Variants in FER observed in about 807,000 individuals in gnomAD.
FER encodes the protein FER tyrosine kinase, also known as tyrosine-protein kinase Fer.
Under a neutral mutation model 111.0 loss-of-function variants are expected in FER, and 63 were observed. The ratio of observed to expected loss-of-function variants is 0.57; its 90% CI spans 0.46 to 0.70. FER has a LOEUF of 0.70. Among genes scored for constraint, FER ranks in the 30% least tolerant of loss-of-function variants. The pLI is 0.00. For synonymous variants in FER, 327 were observed against 313.9 expected (o/e 1.04, Z -0.44); for missense variants, 914 against 954.0 (o/e 0.96, Z 0.55).
At chr5:108,910,290 C>T (rs1751360596) in intron 10 of FER, among the ~76,000 whole-genome samples, 1 of 152,046 alleles carries the variant, frequency 6.6e-6, no homozygotes, top group South Asian at 2.1e-4. Context: ...TCCTTCGAAC[C>T]TGCTCTCTAC....
intron 10 of FER, among the ~76,000 whole-genome samples, chr5:108,941,486 G>T (rs571980252): frequency 6.6e-6 from 1 of 152,250 alleles, no homozygotes; most frequent in African/African-American, 2.4e-5. Context: ...TTACAAAAAT[G>T]CTTAGGGATG....
intron 3 of FER, among the ~76,000 whole-genome samples, chr5:108,808,127 A>G (rs937300473): frequency 2.0e-5 from 3 of 151,900 alleles, no homozygotes; most frequent in South Asian, 4.1e-4. Flanking sequence ...CTAGATTTCT[A>G]TTAGATCCAG....
chr5:108,939,476 A>G lies in FER; in HGVS notation c.1237-6654A>G, dbSNP rs566833969. Among the ~76,000 whole-genome samples the G allele has an allele frequency of 2.0e-5, 3 of 152,152 alleles. No individual in the cohort carries two copies. In the South Asian group the frequency reaches 6.2e-4, roughly 32 times the overall value. Reference sequence around the variant, plus strand: ...TGTAGCTGGATATACACAGAAGTTCAAACCATGTCGTCAAGGATTTGTTTT... The same window carrying G: ...TGTAGCTGGATATACACAGAAGTTCGAACCATGTCGTCAAGGATTTGTTTT... On this transcript the variant is annotated intron_variant, in intron 10 of 19. Coordinates refer to ENST00000281092, the MANE Select transcript of FER (RefSeq NM_005246.4).
intron 3 of FER, chr5:108,820,263 A>G (rs916762761): frequency 1.5e-5 from 15 of 985,352 alleles, no homozygotes; most frequent in Non-Finnish European, 1.8e-5. Flanking sequence ...ATAAGGAAGT[A>G]GCTATTAATA....
Position 108,811,316 on chromosome 5 carries a change from A to G in FER, c.207+12927A>G, listed in dbSNP as rs146647178. Among the ~76,000 whole-genome samples the G allele has an allele frequency of 2.7e-3, 410 of 152,308 alleles. 1 individual carries two copies. The highest frequency in any genetic ancestry group is 9.4e-3 in the African/African-American group (391 of 41,576). On this transcript the variant is annotated intron_variant, in intron 3 of 19. Coordinates refer to ENST00000281092, the MANE Select transcript of FER (RefSeq NM_005246.4). ...GGAGTGGGCCCCAAAATACCATGTT[A>G]TATTACTTAATTTTCAAATGTATAT...
At chr5:109,176,693 A>G (rs1757729200) in intron 17 of FER, among the ~76,000 whole-genome samples, 1 of 152,230 alleles carries the variant, frequency 6.6e-6, no homozygotes, top group African/African-American at 2.4e-5. Context: ...TGATTTGATC[A>G]TTACATATTG....
chr5:109,048,692 A>G (rs1258124609), intron 16 of FER, among the ~76,000 whole-genome samples: 2 of 152,202 alleles, frequency 1.3e-5, no homozygotes, highest in African/African-American at 2.4e-5. Context: ...AAAATTGAAA[A>G]TGAAACCTTC....
At chr5:108,820,659 A>C in intron 3 of FER, 2 of 401,084 alleles carry the variant, frequency 5.0e-6, no homozygotes, top group Non-Finnish European at 6.8e-6. Context: ...AACTGAGCTA[A>C]TGCAGCTCAG....
intron 9 of FER, among the ~76,000 whole-genome samples, chr5:108,886,422 ATATT>A (rs1747174341): frequency 6.7e-6 from 1 of 148,592 alleles, no homozygotes. Context: ...ATAAACATAT[ATATT>A]ATATATAACA....
At chr5:108,959,126 A>G (rs1758816933) in intron 12 of FER, 99 bp from the exon 13 acceptor site, 1 of 1,230,150 alleles carries the variant, frequency 8.1e-7, no homozygotes, top group South Asian at 1.6e-5. Flanking sequence ...TTGTTGTGCA[A>G]TTATAGTTTT....
At chr5:108,919,229 A>G (rs62360833) in intron 10 of FER, among the ~76,000 whole-genome samples, 1 of 151,484 alleles carries the variant, frequency 6.6e-6, no homozygotes, top group African/African-American at 2.4e-5. Context: ...TTTTTTTTAA[A>G]TCAGAGTTGG....
chr5:108,819,755 T>G (rs2150100386), intron 3 of FER: 1 of 981,508 alleles, frequency 1.0e-6, no homozygotes. Context: ...AAAAAAGCAT[T>G]TTTTTAAAAT....
chr5:108,920,604 G>T (rs542295236), intron 10 of FER, among the ~76,000 whole-genome samples: 2 of 152,148 alleles, frequency 1.3e-5, no homozygotes, highest in East Asian at 1.9e-4. Context: ...TTAGCAAGTT[G>T]TCTTGATATT....
chr5:108,928,869 G>A (rs1266289761), intron 10 of FER, among the ~76,000 whole-genome samples: 1 of 152,068 alleles, frequency 6.6e-6, no homozygotes, highest in Non-Finnish European at 1.5e-5. Flanking sequence ...AAATCAAAAG[G>A]ATAATGATAG....
chr5:109,004,120 T>C (rs1357841811), intron 13 of FER, among the ~76,000 whole-genome samples: 2 of 152,136 alleles, frequency 1.3e-5, no homozygotes, highest in Non-Finnish European at 2.9e-5. Context: ...CAAATGTAAA[T>C]CCCTACAACT....
chr5:108,860,790 A>G (rs948261075), intron 5 of FER, among the ~76,000 whole-genome samples: 1 of 152,194 alleles, frequency 6.6e-6, no homozygotes, highest in Non-Finnish European at 1.5e-5. Context: ...TTTATAAAGA[A>G]AAGAGGTTTA....
chr5:109,022,448 G>A (rs902545391), intron 13 of FER, among the ~76,000 whole-genome samples: 2 of 152,118 alleles, frequency 1.3e-5, no homozygotes, highest in Non-Finnish European at 2.9e-5. Context: ...ATACTGCCAT[G>A]TTCTAGTGCA....
intron 17 of FER, among the ~76,000 whole-genome samples, chr5:109,155,361 T>C (rs1352968826): frequency 6.6e-6 from 1 of 151,822 alleles, no homozygotes; most frequent in African/African-American, 2.4e-5. Flanking sequence ...ATTTTGGGGG[T>C]TAGTGTTCAA....
chr5:109,000,058 T>G (rs1764519541), intron 13 of FER, among the ~76,000 whole-genome samples: 1 of 152,084 alleles, frequency 6.6e-6, no homozygotes, highest in South Asian at 2.1e-4. Context: ...TATATTTTTC[T>G]GCATTGCTAT....
Sources: gnomAD v4.1 joint callset for allele counts (sites outside exome capture counted in the v4.1 genomes callset) on GRCh38, gnomAD v4.1.1 for gene constraint, MANE v1.5 for transcripts, NCBI Gene and HGNC (gene_info 2026-07-23, HGNC 2026-07-21) for gene names.